The following NRG1 variants were observed in gnomAD, a reference collection of about 807,000 sequenced individuals.
NRG1 encodes neuregulin 1.
A neutral mutation model predicts 63.8 loss-of-function variants in NRG1; 18 were observed. The observed-to-expected ratio is 0.28, with a 90% CI of 0.19 to 0.42. The LOEUF (loss-of-function observed/expected upper bound fraction) is 0.42. Ranked by LOEUF, NRG1 falls within the 10% of genes least tolerant of loss-of-function variation. The pLI, the probability that NRG1 is intolerant of heterozygous loss-of-function variation, is 1.00. For synonymous variants in NRG1, 302 were observed against 301.3 expected, an observed-to-expected ratio of 1.00 and a Z score of -0.02; for missense variants, 762 against 814.7, an observed-to-expected ratio of 0.94 and a Z score of 0.79.
intron 1 of NRG1, among the ~76,000 whole-genome samples, chr8:32,319,977 G>A (rs755203168): frequency 5.3e-5 from 8 of 152,092 alleles, no homozygotes; most frequent in Non-Finnish European, 1.2e-4. Context: ...TTAGCCCCAG[G>A]AGGAAGAATA....
At chr8:32,425,410 C>T (rs539956019) in intron 1 of NRG1, among the ~76,000 whole-genome samples, 1 of 152,198 alleles carries the variant, frequency 6.6e-6, no homozygotes, top group Non-Finnish European at 1.5e-5. Context: ...TGATTTTTAC[C>T]AGGATCAGAC....
intron 1 of NRG1, among the ~76,000 whole-genome samples, chr8:32,412,712 T>C (rs1258076418): frequency 2.0e-5 from 3 of 151,772 alleles, no homozygotes; most frequent in African/African-American, 7.3e-5. Context: ...GTACAGCATA[T>C]TACTGTACTG....
intron 1 of NRG1, among the ~76,000 whole-genome samples, chr8:31,915,057 A>G (rs1357790982): frequency 8.3e-6 from 1 of 120,140 alleles, no homozygotes; most frequent in African/African-American, 3.1e-5. Context: ...TTCAAAGTCA[A>G]TTTTGTTCAG....
chr8:31,732,661 C>G (rs1184185570), intron 1 of NRG1, among the ~76,000 whole-genome samples: 1 of 152,092 alleles, frequency 6.6e-6, no homozygotes. Context: ...GAAGTTGAGG[C>G]AGGTAGATTA....
intron 1 of NRG1, among the ~76,000 whole-genome samples, chr8:31,858,251 A>T (rs1016100938): frequency 1.3e-5 from 2 of 151,802 alleles, no homozygotes; most frequent in Non-Finnish European, 2.9e-5. Flanking sequence ...ATGAGCTGAG[A>T]TGGCGCCACT....
chr8:32,077,057 A>C (rs190526609), intron 1 of NRG1, among the ~76,000 whole-genome samples: 84 of 152,238 alleles, frequency 5.5e-4, no homozygotes, highest in African/African-American at 1.8e-3. Context: ...AACAACGTTA[A>C]ACACTCTCTC....
At chr8:32,664,169 T>A (rs1470535137) in intron 5 of NRG1, among the ~76,000 whole-genome samples, 1 of 152,102 alleles carries the variant, frequency 6.6e-6, no homozygotes, top group Admixed American at 6.6e-5. Flanking sequence ...GTAGTAGAAT[T>A]GAGAGAGACA....
intron 1 of NRG1, among the ~76,000 whole-genome samples, chr8:32,162,116 C>T (rs1397914735): frequency 6.6e-6 from 1 of 152,206 alleles, no homozygotes; most frequent in Non-Finnish European, 1.5e-5. Context: ...GTATGCATCA[C>T]TTTTCTCTTT....
chr8:32,647,286 T>G, intron 5 of NRG1: 8 of 985,368 alleles, frequency 8.1e-6, no homozygotes, highest in Non-Finnish European at 9.6e-6. Context: ...CCTTCTGCTT[T>G]TACTTCTCCT....
At chr8:32,244,842 C>T (rs978081503) in intron 1 of NRG1, among the ~76,000 whole-genome samples, 1 of 152,138 alleles carries the variant, frequency 6.6e-6, no homozygotes, top group African/African-American at 2.4e-5. Flanking sequence ...AGATCAGGCT[C>T]CTTAAAAGAG....
At chr8:32,515,688 C>A (rs1478996527) in intron 1 of NRG1, among the ~76,000 whole-genome samples, 1 of 152,264 alleles carries the variant, frequency 6.6e-6, no homozygotes, top group Non-Finnish European at 1.5e-5. Context: ...GATCCTCCCA[C>A]CTTAGCCTCC....
chr8:31,813,524 T>G (rs869118062), intron 1 of NRG1, among the ~76,000 whole-genome samples: 6 of 139,724 alleles, frequency 4.3e-5, no homozygotes, highest in African/African-American at 1.6e-4. Flanking sequence ...TTCTTTTTTT[T>G]TTTTTTTTTG....
intron 1 of NRG1, among the ~76,000 whole-genome samples, chr8:32,535,419 T>A (rs913834194): frequency 2.0e-5 from 3 of 152,232 alleles, no homozygotes; most frequent in Non-Finnish European, 2.9e-5. Flanking sequence ...TTCACCTTCA[T>A]GATTGGTGTT....
At chr8:32,331,395 G>A (rs1302762368) in intron 1 of NRG1, among the ~76,000 whole-genome samples, 1 of 151,056 alleles carries the variant, frequency 6.6e-6, no homozygotes, top group Non-Finnish European at 1.5e-5. Context: ...GCTGGGTGTG[G>A]TGATATGCCC....
intron 11 of NRG1, among the ~76,000 whole-genome samples, chr8:32,762,265 A>C (rs1830855357): frequency 1.3e-5 from 2 of 152,166 alleles, no homozygotes; most frequent in African/African-American, 4.8e-5. Flanking sequence ...ATTCTGTTTC[A>C]ATCGTTTTTT....
At chr8:31,844,455 C>T (rs1024647589) in intron 1 of NRG1, among the ~76,000 whole-genome samples, 12 of 152,154 alleles carry the variant, frequency 7.9e-5, no homozygotes, top group Non-Finnish European at 1.8e-4. Context: ...TAGGTAGAAG[C>T]TCATGGAACT....
At chr8:31,888,669 G>GT (rs11436724) in intron 1 of NRG1, among the ~76,000 whole-genome samples, 76,270 of 150,314 alleles carry the variant, frequency 0.51, 19,811 homozygotes, top group East Asian at 0.73. Context: ...TCCCAAATCT[G>GT]TTTTTTTTTA....
Position 32,569,383 on chromosome 8 carries a change from C to T in NRG1, c.100+20557C>T, listed in dbSNP as rs563303738. Among the ~76,000 whole-genome samples the T allele has an allele frequency of 1.6e-4, 25 of 152,200 alleles. No homozygotes were observed. In the South Asian group the frequency reaches 4.8e-3, roughly 29 times the overall value. On this transcript the variant is annotated intron_variant, in intron 1 of 11. Transcript: ENST00000356819. ...TGATTCTTGAAGTGTGTGTGCTGTG[C>T]GTACTGTGTGTGCATGTATACGTAC...
At chr8:32,063,749 TTG>T (rs1451915949) in intron 1 of NRG1, among the ~76,000 whole-genome samples, 1 of 151,938 alleles carries the variant, frequency 6.6e-6, no homozygotes, top group African/African-American at 2.4e-5. Flanking sequence ...ACATTTTATA[TTG>T]TGTTTAATAC....
Sources: allele counts gnomAD v4.1 joint callset (sites outside exome capture counted in the v4.1 genomes callset), GRCh38; gene constraint gnomAD v4.1.1; transcripts MANE v1.5; gene names NCBI Gene and HGNC (gene_info 2026-07-23, HGNC 2026-07-21).